The following LRRC1 variants were observed in gnomAD, a reference collection of about 807,000 sequenced individuals.
LRRC1 encodes leucine-rich repeat-containing protein 1.
In LRRC1, 28 loss-of-function variants were observed where a neutral mutation model predicts 69.9. The ratio of observed to expected loss-of-function variants is 0.40; its 90% confidence interval spans 0.30 to 0.55. The LOEUF is 0.55. Ranked by LOEUF, LRRC1 falls within the 20% of genes least tolerant of loss-of-function variation. The probability of loss-of-function intolerance (pLI) is 0.47; values close to 1 mark genes in which losing one functional copy is unlikely to be tolerated. For missense variants in LRRC1, 498 were observed against 609.0 expected, an observed-to-expected ratio of 0.82 and a Z score of 1.92; for synonymous variants, 236 against 240.2, an observed-to-expected ratio of 0.98 and a Z score of 0.16.
intron 10 of LRRC1, among the ~76,000 whole-genome samples, chr6:53,912,290 T>C (rs1035627185): frequency 6.6e-6 from 1 of 152,240 alleles, no homozygotes; most frequent in Admixed American, 6.5e-5. Flanking sequence ...TGTTATTATA[T>C]GGACCAAAGC....
At chr6:53,817,237 G>A (rs1483289801) in intron 1 of LRRC1, among the ~76,000 whole-genome samples, 15 of 152,128 alleles carry the variant, frequency 9.9e-5, no homozygotes, top group Admixed American at 9.8e-4. Context: ...TGGCACACAG[G>A]TCTTTTTGTC....
intron 2 of LRRC1, among the ~76,000 whole-genome samples, chr6:53,867,781 C>A (rs959676959): frequency 1.3e-5 from 2 of 151,740 alleles, no homozygotes; most frequent in South Asian, 4.2e-4. Context: ...ATAGTGAGAC[C>A]CTGTCTCTAC....
intron 11 of LRRC1, among the ~76,000 whole-genome samples, chr6:53,914,249 A>T (rs1562073543): frequency 6.6e-6 from 1 of 152,160 alleles, no homozygotes; most frequent in East Asian, 1.9e-4. Flanking sequence ...TGCCAGGGAA[A>T]GAGCACTGAC....
chr6:53,867,905 A>T (rs1428436260), intron 2 of LRRC1, among the ~76,000 whole-genome samples: 1 of 150,492 alleles, frequency 6.6e-6, no homozygotes, highest in African/African-American at 2.4e-5. Context: ...GTGAGCCAAG[A>T]TTGCGCCACT....
At chr6:53,819,902 C>A (rs1765066313) in intron 1 of LRRC1, among the ~76,000 whole-genome samples, 1 of 152,032 alleles carries the variant, frequency 6.6e-6, no homozygotes, top group Non-Finnish European at 1.5e-5. Flanking sequence ...TATATGTGTA[C>A]CTATTGGATT....
At chr6:53,904,794 G>T (rs374801319) in intron 10 of LRRC1, 106 of 163,238 alleles carry the variant, frequency 6.5e-4, no homozygotes, top group African/African-American at 2.4e-3. Context: ...ATGCCTTTGG[G>T]TTTGATTTTT....
At chr6:53,831,840 TG>T (rs1765436416) in intron 1 of LRRC1, among the ~76,000 whole-genome samples, 1 of 152,110 alleles carries the variant, frequency 6.6e-6, no homozygotes, top group African/African-American at 2.4e-5. Flanking sequence ...TGGCTAGGGG[TG>T]GTATCGACGT....
chr6:53,810,449 T>G (rs1764758652), intron 1 of LRRC1, among the ~76,000 whole-genome samples: 1 of 152,012 alleles, frequency 6.6e-6, no homozygotes, highest in South Asian at 2.1e-4. Flanking sequence ...TGAAACCGTG[T>G]CTCTACTAAA....
intron 2 of LRRC1, among the ~76,000 whole-genome samples, chr6:53,864,624 A>G (rs1766636962): frequency 6.6e-6 from 1 of 152,150 alleles, no homozygotes; most frequent in Non-Finnish European, 1.5e-5. Context: ...CCTGCTATCT[A>G]TCTCAATACT....
At chr6:53,881,778 C>T (rs891089453) in intron 3 of LRRC1, among the ~76,000 whole-genome samples, 2 of 152,110 alleles carry the variant, frequency 1.3e-5, no homozygotes, top group Non-Finnish European at 1.5e-5. Flanking sequence ...GTTCTGTTGT[C>T]TTTATTAGCA....
chr6:53,860,620 G>A (rs960874563), intron 2 of LRRC1, among the ~76,000 whole-genome samples: 4 of 152,060 alleles, frequency 2.6e-5, no homozygotes, highest in Non-Finnish European at 5.9e-5. Flanking sequence ...AAAATGAGAA[G>A]GCAGTTAAAT....
chr6:53,888,206 CA>C (rs1360203778), intron 4 of LRRC1, among the ~76,000 whole-genome samples: 2 of 152,142 alleles, frequency 1.3e-5, no homozygotes, highest in Non-Finnish European at 2.9e-5. Context: ...AGTTACTCTT[CA>C]GATGACATGA....
chr6:53,870,948 G>A (rs895682075), intron 2 of LRRC1, among the ~76,000 whole-genome samples: 10 of 152,088 alleles, frequency 6.6e-5, no homozygotes, highest in African/African-American at 2.2e-4. Flanking sequence ...GCTCATCTAT[G>A]TTGTCTCAAA....
chr6:53,885,419 A>C (rs958924100), intron 4 of LRRC1, among the ~76,000 whole-genome samples: 1 of 152,226 alleles, frequency 6.6e-6, no homozygotes, highest in African/African-American at 2.4e-5. Context: ...TTGGAGATGG[A>C]ATTGTTTTGC....
chr6:53,869,096 A>T (rs578213481), intron 2 of LRRC1, among the ~76,000 whole-genome samples: 1 of 152,226 alleles, frequency 6.6e-6, no homozygotes. Context: ...ACTGGTGCAG[A>T]TATTGCTCTT....
intron 1 of LRRC1, among the ~76,000 whole-genome samples, chr6:53,813,645 G>T (rs1215665952): frequency 6.9e-6 from 1 of 145,522 alleles, no homozygotes; most frequent in Non-Finnish European, 1.5e-5. Context: ...TTTGGAAAAT[G>T]CACTGTGAGC....
At chr6:53,868,137 T>C (rs934423109) in intron 2 of LRRC1, among the ~76,000 whole-genome samples, 31 of 152,072 alleles carry the variant, frequency 2.0e-4, no homozygotes, top group Non-Finnish European at 1.5e-5. Context: ...ACATAGATGG[T>C]TATTTAGGGT....
chr6:53,861,876 C>T lies in LRRC1; in HGVS notation c.278-17117C>T, dbSNP rs1766537728. On this transcript the variant is annotated intron_variant, in intron 2 of 13. Transcript: ENST00000370888. ...ATAGTAGGATGTCTGTCCCAGCTGA[C>T]AAGAATCATAGATCCTATTTGGAAA... 2.6e-5 allele frequency among the ~76,000 whole-genome samples: 4 copies of T among 151,924 alleles called. 1 individual carries two copies. The highest frequency in any genetic ancestry group is 1.3e-4 in the Admixed American group (2 of 15,262).
chr6:53,899,965 C>A, intron 8 of LRRC1, 74 bp downstream of exon 8: 1 of 1,361,894 alleles, frequency 7.3e-7, no homozygotes, highest in Non-Finnish European at 1.0e-6. Flanking sequence ...ACACTTTGAT[C>A]CTTTGGTCAC....
Sources: gnomAD v4.1 joint callset for allele counts (sites outside exome capture counted in the v4.1 genomes callset) on GRCh38, gnomAD v4.1.1 for gene constraint, MANE v1.5 for transcripts, NCBI Gene and HGNC (gene_info 2026-07-23, HGNC 2026-07-21) for gene names.